ARMC2: variants seen among roughly 807,000 people sequenced by gnomAD.
The protein encoded by ARMC2 is armadillo repeat-containing protein 2.
A neutral mutation model predicts 90.3 loss-of-function variants in ARMC2; 67 were observed. That is an observed-to-expected ratio of 0.74 (90% confidence interval 0.61 to 0.91). The LOEUF is 0.91. Ranked by LOEUF, ARMC2 falls within the 40% of genes least tolerant of loss-of-function variation. ARMC2 has a pLI of 0.00. For missense variants in ARMC2, 920 were observed against 1,030.9 expected (o/e 0.89, Z 1.47); for synonymous variants, 393 against 393.0 (o/e 1.00, Z 0.00).
rs1776004866 is a variant in ARMC2 at position 108,936,944 on chromosome 6, A to G, written c.1541A>G (p.Tyr514Cys). 3.7e-6 allele frequency: 6 copies of G among 1,605,142 alleles called. No individual in the cohort carries two copies. The highest frequency in any genetic ancestry group is 3.4e-6 in the Non-Finnish European group (4 of 1,175,374). Residue 514 changes from tyrosine to cysteine, a missense_variant, in exon 12 of 18, where the codon TAT becomes TGT. Coordinates refer to ENST00000392644, the MANE Select transcript of ARMC2 (RefSeq NM_032131.6). ...YRDCCTALAS[Y>C]SRCYALFLNL... ...GACTGCTGCACAGCCTTGGCCAGCT[A>G]TTCCAGATGTTATGCCTTATTTCTG... is the stretch of plus-strand genomic sequence containing the variant.
At chr6:109,045,958 G>GA in the ARMC2 span, among the ~76,000 whole-genome samples, 1 of 152,102 alleles carries the variant, frequency 6.6e-6, no homozygotes, top group Non-Finnish European at 1.5e-5. Context: ...CATATGGGCT[G>GA]AAAAAAGCGT....
chr6:108,936,627 T>C (rs1775981804), intron 11 of ARMC2, among the ~76,000 whole-genome samples: 1 of 152,248 alleles, frequency 6.6e-6, no homozygotes, highest in Admixed American at 6.5e-5. Flanking sequence ...AGATTTCATA[T>C]AAATTTCATG....
At chr6:108,966,332 A>T (rs942525785) in intron 17 of ARMC2, among the ~76,000 whole-genome samples, 60 of 152,028 alleles carry the variant, frequency 3.9e-4, no homozygotes, top group African/African-American at 1.4e-3. Flanking sequence ...CCGTTCCGAA[A>T]TGATATTTTA....
At chr6:108,934,256 G>A (rs1411972633) in intron 11 of ARMC2, among the ~76,000 whole-genome samples, 1 of 152,096 alleles carries the variant, frequency 6.6e-6, no homozygotes, top group Non-Finnish European at 1.5e-5. Flanking sequence ...TGTGGTTTTT[G>A]TCTTCAGTTG....
chr6:108,961,043 G>A (rs533285099), intron 13 of ARMC2, among the ~76,000 whole-genome samples: 98 of 152,340 alleles, frequency 6.4e-4, no homozygotes, highest in African/African-American at 2.2e-3. Flanking sequence ...AGGCAAAAGT[G>A]GAAGAAGAGA....
intron 13 of ARMC2, among the ~76,000 whole-genome samples, chr6:108,953,655 C>T (rs561291436): frequency 6.6e-6 from 1 of 152,320 alleles, no homozygotes; most frequent in Non-Finnish European, 1.5e-5. Context: ...AAATTATACT[C>T]AGCAAATGAA....
chr6:108,918,215 G>A (rs955878834), intron 10 of ARMC2, among the ~76,000 whole-genome samples: 4 of 152,160 alleles, frequency 2.6e-5, no homozygotes, highest in Admixed American at 6.5e-5. Flanking sequence ...TGTGGAATGG[G>A]AAGAGAAAAG....
At chr6:109,028,075 T>C in the ARMC2 span, among the ~76,000 whole-genome samples, 1 of 152,218 alleles carries the variant, frequency 6.6e-6, no homozygotes, top group East Asian at 1.9e-4. Context: ...ATCCAATTTG[T>C]CAATATTTTC....
chr6:108,958,454 T>G (rs140782855), intron 13 of ARMC2, among the ~76,000 whole-genome samples: 1,813 of 152,326 alleles, frequency 0.012, 13 homozygotes, highest in Middle Eastern at 0.037. Flanking sequence ...TTAGGAGCTG[T>G]GAGTACCTAC....
intron 4 of ARMC2, among the ~76,000 whole-genome samples, chr6:108,869,235 C>A (rs1000845019): frequency 1.3e-5 from 2 of 152,188 alleles, no homozygotes; most frequent in Non-Finnish European, 2.9e-5. Flanking sequence ...TGACTGGGCG[C>A]GGTGGCTCAT....
the ARMC2 span, among the ~76,000 whole-genome samples, chr6:109,049,211 G>A: frequency 6.6e-6 from 1 of 152,102 alleles, no homozygotes; most frequent in Non-Finnish European, 1.5e-5. Flanking sequence ...AAAAAAGAAG[G>A]AATCCTGTCA....
intron 7 of ARMC2, among the ~76,000 whole-genome samples, chr6:108,901,455 G>T (rs1215076080): frequency 5.0e-5 from 7 of 139,942 alleles, no homozygotes; most frequent in Admixed American, 4.3e-4. Flanking sequence ...TTGCTCTGTT[G>T]CCCAGGCTGG....
chr6:108,865,930 T>C (rs1024029593), intron 3 of ARMC2, among the ~76,000 whole-genome samples: 9 of 150,884 alleles, frequency 6.0e-5, no homozygotes, highest in African/African-American at 2.0e-4. Flanking sequence ...GGCTGGAGAA[T>C]TGCATGAGAC....
intron 8 of ARMC2, among the ~76,000 whole-genome samples, chr6:108,909,920 T>C (rs768029436): frequency 4.6e-5 from 7 of 152,202 alleles, no homozygotes; most frequent in Non-Finnish European, 8.8e-5. Context: ...ATATGTATAT[T>C]ATCAAATTAA....
At chr6:109,016,000 A>C in the ARMC2 span, among the ~76,000 whole-genome samples, 1 of 152,226 alleles carries the variant, frequency 6.6e-6, no homozygotes, top group East Asian at 1.9e-4. Context: ...GCATAATATT[A>C]AAAATTATCC....
chr6:108,967,734 A>G (rs992747220), intron 17 of ARMC2, among the ~76,000 whole-genome samples: 4 of 151,776 alleles, frequency 2.6e-5, no homozygotes, highest in African/African-American at 9.7e-5. Context: ...TGTTGTTTCA[A>G]ATATTCTGTC....
chr6:108,993,122 T>A, the ARMC2 span: 1 of 434,140 alleles, frequency 2.3e-6, no homozygotes, highest in Non-Finnish European at 4.1e-6. Flanking sequence ...GAATTCTCTA[T>A]GCCTTTTATT....
chr6:108,887,115 C>G (rs1020440987), intron 5 of ARMC2, among the ~76,000 whole-genome samples: 13 of 151,998 alleles, frequency 8.6e-5, no homozygotes, highest in African/African-American at 3.1e-4. Flanking sequence ...GCCATGTTGG[C>G]CAGGCTGGCT....
intron 13 of ARMC2, among the ~76,000 whole-genome samples, chr6:108,954,842 C>T (rs1293465711): frequency 1.3e-5 from 2 of 152,180 alleles, no homozygotes; most frequent in Non-Finnish European, 2.9e-5. Context: ...CTCAGGCTGC[C>T]ATAACAAAAT....
Sources: gnomAD v4.1 joint callset for allele counts (sites outside exome capture counted in the v4.1 genomes callset) on GRCh38, gnomAD v4.1.1 for gene constraint, MANE v1.5 for transcripts, NCBI Gene and HGNC (gene_info 2026-07-23, HGNC 2026-07-21) for gene names.